ZNF736: variants seen among roughly 807,000 people sequenced by gnomAD.
ZNF736 encodes KRAB-containing zinc-finger repressor protein.
ZNF736 carries 6 observed loss-of-function variants against 11.7 expected under a neutral mutation model. The ratio of observed to expected loss-of-function variants is 0.51; its 90% CI spans 0.28 to 1.01. ZNF736 has a LOEUF of 1.01. Among genes scored for constraint, ZNF736 ranks in the 50% least tolerant of loss-of-function variants. ZNF736 has a pLI of 0.09. For missense variants in ZNF736, 444 were observed against 496.0 expected (o/e 0.90, Z 1.00); for synonymous variants, 139 against 164.7 (o/e 0.84, Z 1.19).
At chr7:64,322,458 A>G (rs1789015783) in intron 1 of ZNF736, among the ~76,000 whole-genome samples, 3 of 152,304 alleles carry the variant, frequency 2.0e-5, no homozygotes, top group African/African-American at 2.4e-5. Context: ...ATGTTTGATA[A>G]TGCTATGTAC....
chr7:64,326,655 GAT>G (rs900914509), intron 1 of ZNF736, among the ~76,000 whole-genome samples: 1 of 24,828 alleles, frequency 4.0e-5, no homozygotes, highest in Non-Finnish European at 1.1e-4. Flanking sequence ...TTTATTTGGA[GAT>G]TTTTTTTTTA....
chr7:64,333,047 G>A (rs895157807), intron 1 of ZNF736, among the ~76,000 whole-genome samples: 3 of 152,100 alleles, frequency 2.0e-5, no homozygotes, highest in South Asian at 2.1e-4. Flanking sequence ...CTCAGCTTAC[G>A]AAGATAACAG....
chr7:64,335,284 A>G (rs550333721), intron 1 of ZNF736, among the ~76,000 whole-genome samples: 1 of 152,268 alleles, frequency 6.6e-6, no homozygotes, highest in Non-Finnish European at 1.5e-5. Context: ...CATGTATCCC[A>G]GAACTTAAAG....
At chr7:64,339,210 A>T (rs1371354968) in intron 3 of ZNF736, among the ~76,000 whole-genome samples, 5 of 151,990 alleles carry the variant, frequency 3.3e-5, no homozygotes, top group East Asian at 1.9e-4. Flanking sequence ...TGAGTTTCTT[A>T]TATATTTTTG....
Position 64,348,976 on chromosome 7 carries a change from T to G in ZNF736, c.1113T>G (p.Cys371Trp). ...RIHMEERPYK[C>W]EECSKTFKCF... ...ATATGGAAGAGAGACCTTACAAATG[T>G]GAAGAATGCAGCAAAACCTTTAAGT... Residue 371 changes from cysteine (C) to tryptophan (W), a missense_variant, in exon 4 of 4, where the codon TGT (cysteine) becomes TGG (tryptophan). Cys to Trp is a radical substitution (Grantham distance 215). Coordinates refer to ENST00000423484, the MANE Select transcript of ZNF736 (RefSeq NM_001170905.3). The G allele has an allele frequency of 6.3e-7, 1 of 1,589,802 alleles. No individual in the cohort carries two copies. The highest frequency in any genetic ancestry group is 8.6e-7 in the Non-Finnish European group (1 of 1,167,376).
Position 64,313,977 on chromosome 7 carries a change from G to A in ZNF736, c.-174G>A. On this transcript the variant is annotated 5_prime_UTR_variant, in exon 1 of 4. It removes an upstream start codon present in the reference 5' UTR. Coordinates refer to ENST00000423484, the MANE Select transcript of ZNF736 (RefSeq NM_001170905.3). ...GAGGAAGAGGCGGCCTCTTCAATATGGCGGGGCCTTTGTCTCCTAGCTTCC... is the reference window on the plus strand; with the variant it reads ...GAGGAAGAGGCGGCCTCTTCAATATAGCGGGGCCTTTGTCTCCTAGCTTCC... The A allele has an allele frequency of 1.2e-6, 1 of 815,494 alleles. No homozygotes were observed. Among genetic ancestry groups the A allele is most frequent in the South Asian group, 1.6e-5 (1 of 61,630 alleles). The allele number at this position is 815,494 out of a possible 1,614,324, so 50.5% of individuals were successfully genotyped here. A position where few individuals can be genotyped will look rare whatever the true frequency, so the allele number is the denominator to read the frequency against.
chr7:64,328,896 G>T (rs1422615156), intron 1 of ZNF736, among the ~76,000 whole-genome samples: 3 of 151,440 alleles, frequency 2.0e-5, no homozygotes, highest in Non-Finnish European at 4.4e-5. Context: ...TTTCTACCCA[G>T]AACTTTTTCT....
At chr7:64,314,856 G>A (rs1788889955) in intron 1 of ZNF736, among the ~76,000 whole-genome samples, 1 of 152,182 alleles carries the variant, frequency 6.6e-6, no homozygotes, top group Admixed American at 6.5e-5. Flanking sequence ...TTACGTGCAT[G>A]ACCCACCACC....
At chr7:64,314,712 G>C (rs1258046147) in intron 1 of ZNF736, among the ~76,000 whole-genome samples, 1 of 152,108 alleles carries the variant, frequency 6.6e-6, no homozygotes, top group Non-Finnish European at 1.5e-5. Flanking sequence ...CTAGAGGGGT[G>C]CGCCACCACG....
At chr7:64,329,079 A>G (rs1334021377) in intron 1 of ZNF736, among the ~76,000 whole-genome samples, 1 of 151,832 alleles carries the variant, frequency 6.6e-6, no homozygotes, top group Non-Finnish European at 1.5e-5. Context: ...ATGTCTTTTG[A>G]ATTTTCAGCA....
intron 1 of ZNF736, among the ~76,000 whole-genome samples, chr7:64,335,366 G>A (rs988026323): frequency 6.6e-6 from 1 of 151,724 alleles, no homozygotes; most frequent in African/African-American, 2.4e-5. Flanking sequence ...CTTACATTTT[G>A]CCTAAAACTG....
In ZNF736 at chr7:64,351,589, T is replaced by C. The variant is rs1249350531; in HGVS notation, c.*2442T>C. 7.9e-5 allele frequency: 12 copies of C among 152,260 alleles called. No individual in the cohort carries two copies. 9.4% of individuals were successfully genotyped at this position (152,260 alleles called of 1,614,324 possible). A position where few individuals can be genotyped will look rare whatever the true frequency, so the allele number is the denominator to read the frequency against. On this transcript the variant is annotated 3_prime_UTR_variant, in exon 4 of 4. Transcript: ENST00000423484. ...GCTCAGTTGGACCAGCTTCTTCTGA[T>C]TTGCAAGACCATCCTGCAGAAATTA...
intron 1 of ZNF736, among the ~76,000 whole-genome samples, chr7:64,317,026 C>G (rs1304065202): frequency 6.6e-6 from 1 of 152,198 alleles, no homozygotes; most frequent in Non-Finnish European, 1.5e-5. Flanking sequence ...ACAAAACATT[C>G]ATGAAAACAT....
Position 64,349,574 on chromosome 7 carries a change from A to T in ZNF736, c.*427A>T, listed in dbSNP as rs1789458936. 1.3e-5 allele frequency: 2 copies of T among 159,254 alleles called. No individual in the cohort carries two copies. The highest frequency in any genetic ancestry group is 1.8e-4 in the South Asian group (1 of 5,536). 9.9% of individuals were successfully genotyped at this position (159,254 alleles called of 1,614,324 possible). On this transcript the variant is annotated 3_prime_UTR_variant, in exon 4 of 4. Transcript: ENST00000423484. ...TAGCCCATTTACATTTAAGGTTAGT[A>T]TTCATATGTGTGGATTGGATTCTGT... is the stretch of plus-strand genomic sequence containing the variant.
chr7:64,356,435 A>G lies in ZNF736; in HGVS notation c.*7288A>G, dbSNP rs75208054. 6.6e-6 allele frequency among the ~76,000 whole-genome samples: 1 copy of G among 152,170 alleles called. No homozygotes were observed. The highest frequency in any genetic ancestry group is 1.5e-5 in the Non-Finnish European group (1 of 68,016). ...AATATTTGAGAATTAATATTACCCA[A>G]CTTGTCCAATAAAATGTTTTTAAGT... On this transcript the variant is annotated 3_prime_UTR_variant, in exon 4 of 4. Transcript: ENST00000423484.
chr7:64,356,456 T>A lies in ZNF736; in HGVS notation c.*7309T>A, dbSNP rs1789554618. Among the ~76,000 whole-genome samples the A allele has an allele frequency of 6.6e-6, 1 of 152,176 alleles. No individual in the cohort carries two copies. On this transcript the variant is annotated 3_prime_UTR_variant, in exon 4 of 4. Coordinates refer to ENST00000423484, the MANE Select transcript of ZNF736 (RefSeq NM_001170905.3). ...CCCAACTTGTCCAATAAAATGTTTT[T>A]AAGTTGCCTATTTTTAAAAAAATCT...
chr7:64,325,410 A>G (rs958357470), intron 1 of ZNF736, among the ~76,000 whole-genome samples: 1 of 152,208 alleles, frequency 6.6e-6, no homozygotes, highest in African/African-American at 2.4e-5. Flanking sequence ...TTTATTGATT[A>G]TTCAGATTAT....
intron 1 of ZNF736, among the ~76,000 whole-genome samples, chr7:64,323,457 A>G (rs1789029851): frequency 6.6e-6 from 1 of 152,020 alleles, no homozygotes; most frequent in Non-Finnish European, 1.5e-5. Context: ...AAAAAATACT[A>G]TTCACAATAG....
At chr7:64,325,735 A>G (rs548702429) in intron 1 of ZNF736, among the ~76,000 whole-genome samples, 155 of 152,336 alleles carry the variant, frequency 1.0e-3, no homozygotes, top group African/African-American at 3.4e-3. Flanking sequence ...ATGTATGTAC[A>G]TCATTTAAAC....
Sources: allele counts gnomAD v4.1 joint callset (sites outside exome capture counted in the v4.1 genomes callset), GRCh38; gene constraint gnomAD v4.1.1; transcripts MANE v1.5; gene names NCBI Gene and HGNC (gene_info 2026-07-23, HGNC 2026-07-21).